The following HCFC2 variants were observed in gnomAD, a reference collection of about 807,000 sequenced individuals.
The protein encoded by HCFC2 is host cell factor C2, also known as host cell factor 2.
In HCFC2, 18 loss-of-function variants were observed where a neutral mutation model predicts 89.2. The observed-to-expected ratio is 0.20, with a 90% CI of 0.14 to 0.30. HCFC2 has a LOEUF of 0.30. HCFC2 is among the 10% of genes least tolerant of loss of function. HCFC2 has a pLI of 1.00. For synonymous variants in HCFC2, 308 were observed against 335.7 expected, an observed-to-expected ratio of 0.92 and a Z score of 0.90; for missense variants, 578 against 956.1, an observed-to-expected ratio of 0.60 and a Z score of 5.21.
At chr12:104,096,850 A>G (rs1467313213) in intron 12 of HCFC2, among the ~76,000 whole-genome samples, 1 of 152,178 alleles carries the variant, frequency 6.6e-6, no homozygotes, top group East Asian at 1.9e-4. Context: ...ATATGTGTAA[A>G]TTACATTAAT....
rs1884175594 is a variant in HCFC2 at position 104,096,303 on chromosome 12, T to C, written c.1667-57T>C. The C allele has an allele frequency of 3.4e-6, 4 of 1,183,282 alleles. No individual in the cohort carries two copies. The African/African-American group carries it at 4.6e-5, about 14-fold the overall frequency. 73.3% of individuals were successfully genotyped at this position (1,183,282 alleles called of 1,614,324 possible). On this transcript the variant is annotated intron_variant, in intron 11 of 14. Transcript: ENST00000229330. Reference sequence around the variant, plus strand: ...ATTAAATATATATTTAAAAATTATATTTTAATGTATCTGATAAGTTATGTA... The same window carrying C: ...ATTAAATATATATTTAAAAATTATACTTTAATGTATCTGATAAGTTATGTA...
rs377596943 is a variant in HCFC2 at position 104,103,403 on chromosome 12, C to T, written c.*130C>T. On this transcript the variant is annotated 3_prime_UTR_variant, in exon 15 of 15. Transcript: ENST00000229330. ...TATGAACTTGAGTTTGTAAATTGTT[C>T]TTAAAATGTATTTGCTGAATTATAG... The T allele has an allele frequency of 1.3e-6, 1 of 747,790 alleles. No individual in the cohort carries two copies. The highest frequency in any genetic ancestry group is 2.1e-6 in the Non-Finnish European group (1 of 478,158). 46.3% of individuals were successfully genotyped at this position (747,790 alleles called of 1,614,324 possible).
chr12:104,083,910 G>C (rs956456498), intron 7 of HCFC2, among the ~76,000 whole-genome samples: 1 of 152,044 alleles, frequency 6.6e-6, no homozygotes, highest in Non-Finnish European at 1.5e-5. Context: ...TATAGTCCCA[G>C]CTTCTTGGGA....
chr12:104,066,846 C>A (rs765754251), intron 2 of HCFC2, among the ~76,000 whole-genome samples: 6 of 152,166 alleles, frequency 3.9e-5, no homozygotes, highest in Non-Finnish European at 8.8e-5. Context: ...GGACTGCAGC[C>A]GCGCAATCTC....
At chr12:104,085,608 A>G (rs1344028604) in intron 7 of HCFC2, among the ~76,000 whole-genome samples, 1 of 152,182 alleles carries the variant, frequency 6.6e-6, no homozygotes, top group African/African-American at 2.4e-5. Context: ...TTCTAAAAGT[A>G]ATCATGGCTA....
rs2136625895 is a variant in HCFC2 at position 104,095,626 on chromosome 12, A to G, written c.1666+63A>G. On this transcript the variant is annotated intron_variant, in intron 11 of 14. Transcript: ENST00000229330. This position sits in a 1 kb window ranked among gnomAD's most constrained non-coding sequence, Gnocchi z 4.2. ...TTATGTATATAAATTCATCAAACTTACTTGTCTTAGATGGGAGTTGCATTT... is the reference window on the plus strand; with the variant it reads ...TTATGTATATAAATTCATCAAACTTGCTTGTCTTAGATGGGAGTTGCATTT... 6.7e-6 allele frequency: 9 copies of G among 1,340,202 alleles called. No homozygotes were observed. In the South Asian group the frequency reaches 1.2e-4, roughly 18 times the overall value. The allele number at this position is 1,340,202 out of a possible 1,614,324, so 83.0% of individuals were successfully genotyped here.
intron 2 of HCFC2, 117 bp downstream of exon 2, chr12:104,066,432 A>G (rs1883151488): frequency 1.4e-6 from 1 of 701,624 alleles, no homozygotes; most frequent in Non-Finnish European, 2.3e-6. Flanking sequence ...TATTCAAGTA[A>G]TGTATTATTC....
In HCFC2 at chr12:104,102,144, A is replaced by G. The variant is rs1425762886; in HGVS notation, c.2055A>G (p.Arg685=). The G allele has an allele frequency of 6.2e-7, 1 of 1,613,104 alleles. No homozygotes were observed. The highest frequency in any genetic ancestry group is 8.5e-7 in the Non-Finnish European group (1 of 1,179,418). ...PGFPGAPSAV[R]ISKNVEGIHL... is the part of the protein sequence containing the mutation. ...TTCCTGGAGCTCCTTCTGCAGTCAG[A>G]ATTTCAAAGGTGAGACATCGGGTCA... is the stretch of plus-strand genomic sequence containing the variant. The change falls in exon 14 of 15, where the codon AGA becomes AGG. Residue 685 remains arginine (R), a synonymous_variant. Coordinates refer to ENST00000229330, the MANE Select transcript of HCFC2 (RefSeq NM_013320.3).
intron 3 of HCFC2, among the ~76,000 whole-genome samples, chr12:104,070,924 C>T (rs1170600004): frequency 6.6e-6 from 1 of 151,768 alleles, no homozygotes; most frequent in Non-Finnish European, 1.5e-5. Context: ...CCTGCCTCAG[C>T]CTCCCGAGTA....
chr12:104,087,922 T>C (rs2136617359), intron 8 of HCFC2, 64 bp from the exon 9 acceptor site: 1 of 879,624 alleles, frequency 1.1e-6, no homozygotes, highest in Non-Finnish European at 1.7e-6. Context: ...TTTAAAAATA[T>C]TTAATTATAT....
chr12:104,066,620 T>C (rs1883157108), intron 2 of HCFC2, among the ~76,000 whole-genome samples: 1 of 152,170 alleles, frequency 6.6e-6, no homozygotes, highest in Non-Finnish European at 1.5e-5. Flanking sequence ...GTTGTACATG[T>C]TATATATTTA....
At position 104,095,640 on chromosome 12, in the gene HCFC2, G is replaced by T; in HGVS notation, c.1666+77G>T. On this transcript the variant is annotated intron_variant, in intron 11 of 14. Transcript: ENST00000229330. The surrounding 1 kb of genome is among the most constrained non-coding windows in gnomAD (Gnocchi z 4.2). ...TCATCAAACTTACTTGTCTTAGATG[G>T]GAGTTGCATTTCATCTTGGAATTTT... The T allele has an allele frequency of 9.1e-7, 1 of 1,101,230 alleles. No homozygotes were observed. Among genetic ancestry groups the T allele is most frequent in the South Asian group, 1.7e-5 (1 of 59,804 alleles). The allele number at this position is 1,101,230 out of a possible 1,614,324, so 68.2% of individuals were successfully genotyped here. A position where few individuals can be genotyped will look rare whatever the true frequency, so the allele number is the denominator to read the frequency against.
At chr12:104,099,774 T>C (rs556569711) in intron 13 of HCFC2, among the ~76,000 whole-genome samples, 3 of 152,274 alleles carry the variant, frequency 2.0e-5, no homozygotes, top group Admixed American at 2.0e-4. Context: ...TAAGTTATCC[T>C]CACACCTTGG....
intron 9 of HCFC2, among the ~76,000 whole-genome samples, chr12:104,091,189 G>A (rs1179230): frequency 1.3e-5 from 2 of 152,164 alleles, no homozygotes; most frequent in African/African-American, 4.8e-5. Flanking sequence ...GCGTAGTCTA[G>A]AGACTCACAT....
Position 104,093,552 on chromosome 12 carries a change from G to A in HCFC2, c.1451G>A (p.Arg484Lys), listed in dbSNP as rs1884089984. Residue 484 changes from arginine to lysine, a missense_variant, in exon 10 of 15, where the codon AGG becomes AAG. Arg to Lys is a conservative substitution (Grantham distance 26, BLOSUM62 2). Coordinates refer to ENST00000229330, the MANE Select transcript of HCFC2 (RefSeq NM_013320.3). ...NHNSHVVDMLRKNEGPHTSAN... is the reference protein window; with the variant it reads ...NHNSHVVDMLKKNEGPHTSAN... ...AATAGTCATGTGGTGGATATGCTAA[G>A]GAAAAATGAAGGTATATGGATGACA... The A allele has an allele frequency of 1.9e-6, 3 of 1,606,168 alleles. No individual in the cohort carries two copies. The highest frequency in any genetic ancestry group is 2.5e-6 in the Non-Finnish European group (3 of 1,176,946).
chr12:104,085,994 C>CG (rs1883826452), intron 7 of HCFC2, among the ~76,000 whole-genome samples: 1 of 146,574 alleles, frequency 6.8e-6, no homozygotes, highest in Non-Finnish European at 1.5e-5. Context: ...TTCCTCCCAC[C>CG]ATTTTTTTTT....
At chr12:104,087,962 T>G in intron 8 of HCFC2, 24 bp from the exon 9 acceptor site, 1 of 1,533,600 alleles carries the variant, frequency 6.5e-7, no homozygotes, top group Non-Finnish European at 9.0e-7. Context: ...AGCATATCAG[T>G]CTGAACCTTT....
chr12:104,067,408 A>C (rs918733384), intron 2 of HCFC2, among the ~76,000 whole-genome samples: 1 of 152,218 alleles, frequency 6.6e-6, no homozygotes, highest in African/African-American at 2.4e-5. Flanking sequence ...CCTTATCCCT[A>C]GGGCGGTGAT....
intron 12 of HCFC2, 46 bp downstream of exon 12, chr12:104,096,479 T>C (rs1357262217): frequency 8.5e-6 from 11 of 1,293,318 alleles, no homozygotes; most frequent in African/African-American, 2.9e-5. Flanking sequence ...CATGATTATG[T>C]ACTTTTAAAT....
Sources: allele counts gnomAD v4.1 joint callset (sites outside exome capture counted in the v4.1 genomes callset), GRCh38; gene constraint gnomAD v4.1.1; non-coding constraint Gnocchi (gnomAD v3.1); transcripts MANE v1.5; gene names NCBI Gene and HGNC (gene_info 2026-07-23, HGNC 2026-07-21).